DNAH8: variants seen among roughly 807,000 people sequenced by gnomAD.
The protein encoded by DNAH8 is dynein axonemal heavy chain 8, also known as axonemal beta dynein heavy chain 8.
In DNAH8, 382 loss-of-function variants were observed where a neutral mutation model predicts 562.1. That is an observed-to-expected ratio of 0.68 (90% CI 0.63 to 0.74). The LOEUF is 0.74. DNAH8 is among the 30% of genes least tolerant of loss of function. DNAH8 has a pLI of 0.00. For synonymous variants in DNAH8, 1,881 were observed against 1,919.4 expected, an observed-to-expected ratio of 0.98 and a Z score of 0.52; for missense variants, 5,203 against 5,620.4, an observed-to-expected ratio of 0.93 and a Z score of 2.37.
At chr6:38,812,528 A>G (rs1411047734) in intron 24 of DNAH8, among the ~76,000 whole-genome samples, 2 of 152,214 alleles carry the variant, frequency 1.3e-5, no homozygotes, top group Non-Finnish European at 2.9e-5. Context: ...GTCACGCTCT[A>G]CAGAGGCTGC....
At chr6:38,888,062 C>T (rs762713189) in intron 57 of DNAH8, among the ~76,000 whole-genome samples, 4 of 151,934 alleles carry the variant, frequency 2.6e-5, no homozygotes, top group Non-Finnish European at 5.9e-5. Context: ...TGGTCTCGAA[C>T]TCCTGACCTC....
chr6:38,957,224 G>A (rs1250168818), intron 82 of DNAH8, among the ~76,000 whole-genome samples: 1 of 151,378 alleles, frequency 6.6e-6, no homozygotes, highest in Non-Finnish European at 1.5e-5. Context: ...CAACAAGAGT[G>A]CATGTGTGCA....
chr6:38,727,225 C>T (rs1763300614), intron 3 of DNAH8, among the ~76,000 whole-genome samples: 1 of 152,110 alleles, frequency 6.6e-6, no homozygotes, highest in Non-Finnish European at 1.5e-5. Flanking sequence ...AGTAAAGGCA[C>T]CACAAAAAAG....
rs759664111 is a variant in DNAH8 at position 38,863,931 on chromosome 6, T to C, written c.6369T>C (p.Pro2123=). The change falls in exon 45 of 93, where the codon CCT becomes CCC. Residue 2123 remains proline (P), a synonymous_variant. Coordinates refer to ENST00000327475, the MANE Select transcript of DNAH8 (RefSeq NM_001206927.2). The stretch of plus-strand genomic sequence containing the variant: ...ATGAGTTTAACAGAATTGAATTGCC[T>C]GTATTATCAGTGGCAGCACAACAAA... ...CFDEFNRIEL[P]VLSVAAQQIY... 3.5e-5 allele frequency: 56 copies of C among 1,612,252 alleles called. No individual in the cohort carries two copies. The highest frequency in any genetic ancestry group is 2.2e-4 in the Admixed American group (13 of 59,656).
chr6:38,761,079 T>G (rs1766453104), intron 10 of DNAH8, among the ~76,000 whole-genome samples: 1 of 150,596 alleles, frequency 6.6e-6, no homozygotes, highest in Admixed American at 6.6e-5. Flanking sequence ...TTTTTTTGGA[T>G]TGTATTTTAT....
intron 21 of DNAH8, among the ~76,000 whole-genome samples, chr6:38,799,566 T>G (rs1770592858): frequency 6.6e-6 from 1 of 152,250 alleles, no homozygotes; most frequent in Non-Finnish European, 1.5e-5. Context: ...CTGGCTCAAA[T>G]TATTTCTGGC....
chr6:38,931,286 A>G (rs1464805633), intron 75 of DNAH8: 1 of 152,216 alleles, frequency 6.6e-6, no homozygotes, highest in African/African-American at 2.4e-5. Context: ...AGTGTTGAAG[A>G]TAAATGTTAC....
At chr6:38,762,444 C>G (rs888499925) in intron 11 of DNAH8, among the ~76,000 whole-genome samples, 1 of 152,078 alleles carries the variant, frequency 6.6e-6, no homozygotes, top group African/African-American at 2.4e-5. Flanking sequence ...GTGTAATTAT[C>G]TTTTTAAAAA....
chr6:38,931,717 A>G, intron 75 of DNAH8, 94 bp from the exon 76 acceptor site: 1 of 720,162 alleles, frequency 1.4e-6, no homozygotes, highest in African/African-American at 1.8e-5. Flanking sequence ...TTGAAGCGTC[A>G]CAGCACTGAC....
chr6:38,830,916 G>T (rs753263088), intron 30 of DNAH8, among the ~76,000 whole-genome samples: 1 of 152,088 alleles, frequency 6.6e-6, no homozygotes, highest in African/African-American at 2.4e-5. Flanking sequence ...ATTTAGGAAG[G>T]ATAATTTTTT....
rs865843196 is a variant in DNAH8 at position 38,862,336 on chromosome 6, G to A, written c.6188G>A (p.Gly2063Glu). 1 of 1,614,128 alleles carries A rather than the reference G, an allele frequency of 6.2e-7. No individual in the cohort carries two copies. Among genetic ancestry groups the A allele is most frequent in the African/African-American group, 1.3e-5 (1 of 75,050 alleles). ...ATGAACATGGGAGGTGCTCCCGCAG[G>A]ACCTGCTGGCACTGGCAAAACAGAA... The part of the protein sequence containing the change: ...LGMNMGGAPA[G>E]PAGTGKTETT... Residue 2063 changes from glycine (G) to glutamate (E), a missense_variant, in exon 44 of 93, where the codon GGA becomes GAA. Physicochemically the swap from Gly to Glu is moderately conservative, Grantham distance 98. Transcript: ENST00000327475.
intron 41 of DNAH8, 130 bp from the exon 42 acceptor site, chr6:38,857,388 C>T (rs989615239): frequency 1.6e-5 from 10 of 633,808 alleles, no homozygotes; most frequent in Non-Finnish European, 2.8e-5. Flanking sequence ...CTGTTTCCCT[C>T]CTTTGGGAGT....
Position 38,938,110 on chromosome 6 carries a change from C to G in DNAH8, c.11700C>G (p.Pro3900=). 6.2e-7 allele frequency: 1 copy of G among 1,613,952 alleles called. No individual in the cohort carries two copies. Among genetic ancestry groups the G allele is most frequent in the Non-Finnish European group, 8.5e-7 (1 of 1,180,008 alleles). Residue 3900 remains proline, a synonymous_variant, in exon 78 of 93, where the codon CCC becomes CCG. Coordinates refer to ENST00000327475, the MANE Select transcript of DNAH8 (RefSeq NM_001206927.2). The stretch of plus-strand genomic sequence containing the variant: ...ACGCGGCTCAGGAGGAGTTCCGGCC[C>G]GCAGCCACCCGCGGAAGCATCCTCT... The part of the protein sequence containing the change: ...KINAAQEEFR[P]AATRGSILYF...
intron 3 of DNAH8, among the ~76,000 whole-genome samples, chr6:38,725,160 G>T (rs1189944398): frequency 1.3e-5 from 2 of 151,792 alleles, no homozygotes; most frequent in Admixed American, 6.6e-5. Flanking sequence ...AAAATTAGCT[G>T]GGTGTGGTGG....
At chr6:39,019,711 A>G (rs1766779751) in intron 91 of DNAH8, among the ~76,000 whole-genome samples, 1 of 152,228 alleles carries the variant, frequency 6.6e-6, no homozygotes, top group Non-Finnish European at 1.5e-5. Context: ...AGAAGGTCAT[A>G]AAAAATGATG....
chr6:38,928,951 G>A (rs1278262319), intron 74 of DNAH8, among the ~76,000 whole-genome samples: 1 of 152,170 alleles, frequency 6.6e-6, no homozygotes, highest in African/African-American at 2.4e-5. Flanking sequence ...TTAAAAAAAT[G>A]TAAGCATATA....
chr6:38,867,440 T>C (rs1476483643), intron 47 of DNAH8, among the ~76,000 whole-genome samples: 1 of 152,100 alleles, frequency 6.6e-6, no homozygotes, highest in Non-Finnish European at 1.5e-5. Context: ...CTCTTGGTTA[T>C]GCATTTAAAA....
chr6:38,757,662 A>G (rs1235993953), intron 10 of DNAH8, among the ~76,000 whole-genome samples: 7 of 152,186 alleles, frequency 4.6e-5, no homozygotes, highest in African/African-American at 1.7e-4. Context: ...TAGGTCTAAC[A>G]TTTAAGTCTT....
intron 28 of DNAH8, 54 bp from the exon 29 acceptor site, chr6:38,826,102 A>G (rs1773294520): frequency 2.4e-6 from 3 of 1,235,108 alleles, no homozygotes; most frequent in East Asian, 2.5e-5. Context: ...AGATGCCCTT[A>G]TAGTTTCAGA....
Sources: gnomAD v4.1 joint callset for allele counts (sites outside exome capture counted in the v4.1 genomes callset) on GRCh38, gnomAD v4.1.1 for gene constraint, MANE v1.5 for transcripts, NCBI Gene and HGNC (gene_info 2026-07-23, HGNC 2026-07-21) for gene names.